The following CHRM3 variants were observed in gnomAD, a reference collection of about 807,000 sequenced individuals.
The protein encoded by CHRM3 is muscarinic acetylcholine receptor M3.
Under a neutral mutation model 41.8 loss-of-function variants are expected in CHRM3, and 11 were observed. The ratio of observed to expected loss-of-function variants is 0.26; its 90% CI spans 0.17 to 0.44. The LOEUF is 0.44. CHRM3 is among the 20% of genes least tolerant of loss of function. The pLI is 1.00. For synonymous variants in CHRM3, 297 were observed against 301.4 expected (o/e 0.99, Z 0.15); for missense variants, 571 against 745.4 (o/e 0.77, Z 2.72).
intron 3 of CHRM3, among the ~76,000 whole-genome samples, chr1:239,621,477 G>A (rs1278101860): frequency 6.6e-6 from 1 of 152,168 alleles, no homozygotes; most frequent in African/African-American, 2.4e-5. Context: ...ACACCAAACA[G>A]TTAGCCAAGT....
At chr1:239,432,653 TAATC>T (rs1662919019) in intron 1 of CHRM3, among the ~76,000 whole-genome samples, 3 of 152,318 alleles carry the variant, frequency 2.0e-5, no homozygotes, top group Admixed American at 6.5e-5. Context: ...TGTGATGTGA[TAATC>T]AGCAAGATAA....
chr1:239,409,479 G>C, intron 1 of CHRM3, among the ~76,000 whole-genome samples: 1 of 152,170 alleles, frequency 6.6e-6, no homozygotes, highest in South Asian at 2.1e-4. Flanking sequence ...CGGGATCTCA[G>C]TTTGCTTGAA....
At chr1:239,878,188 A>G (rs1677280881) in intron 6 of CHRM3, among the ~76,000 whole-genome samples, 1 of 152,008 alleles carries the variant, frequency 6.6e-6, no homozygotes, top group Non-Finnish European at 1.5e-5. Flanking sequence ...TATAATATAT[A>G]ATGAAATAAT....
At chr1:239,810,639 C>T (rs1413003838) in intron 5 of CHRM3, among the ~76,000 whole-genome samples, 2 of 152,128 alleles carry the variant, frequency 1.3e-5, no homozygotes, top group African/African-American at 4.8e-5. Flanking sequence ...CATTGAGGGC[C>T]GAGTGACAAA....
At chr1:239,673,083 G>C (rs982833397) in intron 4 of CHRM3, among the ~76,000 whole-genome samples, 17 of 152,118 alleles carry the variant, frequency 1.1e-4, no homozygotes, top group African/African-American at 3.6e-4. Context: ...TCAAATGCAC[G>C]TTCTTCCTGC....
intron 5 of CHRM3, among the ~76,000 whole-genome samples, chr1:239,801,868 A>G (rs1371808537): frequency 1.3e-5 from 2 of 152,086 alleles, no homozygotes; most frequent in Non-Finnish European, 2.9e-5. Flanking sequence ...CCCCACACAT[A>G]TGATACCATT....
chr1:239,550,257 T>A lies in CHRM3; in HGVS notation c.-313+4508T>A, dbSNP rs555681303. Among the ~76,000 whole-genome samples the A allele has an allele frequency of 2.0e-5, 3 of 152,288 alleles. No individual in the cohort carries two copies. In the South Asian group the frequency reaches 6.2e-4, roughly 32 times the overall value. ...TACAGGCACGGTCATCTGTGAAAAC[T>A]TCCTTGATCTTCCCCTTAAAATTCA... On this transcript the variant is annotated intron_variant, in intron 3 of 6. Coordinates refer to ENST00000676153, the MANE Select transcript of CHRM3 (RefSeq NM_001375978.1).
chr1:239,759,783 C>T (rs954126985), intron 5 of CHRM3, among the ~76,000 whole-genome samples: 4 of 152,150 alleles, frequency 2.6e-5, no homozygotes, highest in African/African-American at 9.7e-5. Flanking sequence ...ATTTTGAGTG[C>T]TTATTTAATT....
rs532057934 is a variant in CHRM3, at chr1:239,690,524, C to T, written c.-147+12236C>T. Among the ~76,000 whole-genome samples the T allele has an allele frequency of 2.2e-4, 34 of 151,904 alleles. No homozygotes were observed. In the South Asian group the frequency reaches 5.6e-3, roughly 25 times the overall value. The stretch of plus-strand genomic sequence containing the variant: ...GATTACAGGTGTAAGCCACTGCACC[C>T]GGCCCTGAAATTTCTAAATGAATCC... On this transcript the variant is annotated intron_variant, in intron 5 of 6. Transcript: ENST00000676153.
chr1:239,419,984 C>G (rs745764752), intron 1 of CHRM3, among the ~76,000 whole-genome samples: 1 of 152,196 alleles, frequency 6.6e-6, no homozygotes, highest in Non-Finnish European at 1.5e-5. Context: ...GTCTGGTCTT[C>G]CTATCATACA....
intron 5 of CHRM3, among the ~76,000 whole-genome samples, chr1:239,686,375 TG>T (rs2149121664): frequency 6.6e-6 from 1 of 152,278 alleles, no homozygotes; most frequent in African/African-American, 2.4e-5. Flanking sequence ...ACAGTATACT[TG>T]CATGTGCTGC....
chr1:239,643,550 G>T (rs559319016), intron 4 of CHRM3, among the ~76,000 whole-genome samples: 7 of 152,292 alleles, frequency 4.6e-5, no homozygotes, highest in African/African-American at 1.7e-4. Flanking sequence ...GCGAGACTCC[G>T]TGGGCGTAGG....
chr1:239,736,351 A>G (rs1664393987), intron 5 of CHRM3, among the ~76,000 whole-genome samples: 1 of 152,060 alleles, frequency 6.6e-6, no homozygotes, highest in Non-Finnish European at 1.5e-5. Context: ...ATTATTAGCT[A>G]AAAAACAAGG....
chr1:239,701,783 C>T (rs922677635), intron 5 of CHRM3, among the ~76,000 whole-genome samples: 6 of 152,130 alleles, frequency 3.9e-5, no homozygotes, highest in Non-Finnish European at 7.3e-5. Flanking sequence ...GCCTGGACTC[C>T]GATCGCCGTA....
At chr1:239,488,078 A>G (rs1180153904) in intron 1 of CHRM3, among the ~76,000 whole-genome samples, 1 of 152,138 alleles carries the variant, frequency 6.6e-6, no homozygotes, top group Non-Finnish European at 1.5e-5. Flanking sequence ...TGCCCAGTAT[A>G]CTAAGGGTGT....
At chr1:239,790,575 A>C (rs1669262056) in intron 5 of CHRM3, among the ~76,000 whole-genome samples, 1 of 152,210 alleles carries the variant, frequency 6.6e-6, no homozygotes, top group African/African-American at 2.4e-5. Flanking sequence ...ACTGTGAGTC[A>C]ATTAAACCTC....
intron 6 of CHRM3, among the ~76,000 whole-genome samples, chr1:239,858,693 T>C (rs1053333437): frequency 3.3e-5 from 5 of 152,116 alleles, no homozygotes; most frequent in African/African-American, 1.2e-4. Context: ...CTGTCATCTC[T>C]TTCTAGTTTC....
rs200748557 is a variant in CHRM3 at position 239,827,393 on chromosome 1, G to C, written c.-20+15G>C. 6.6e-6 allele frequency: 1 copy of C among 152,146 alleles called. No individual in the cohort carries two copies. The highest frequency in any genetic ancestry group is 1.5e-5 in the Non-Finnish European group (1 of 68,018). 9.4% of individuals were successfully genotyped at this position (152,146 alleles called of 1,614,324 possible). ...CCTGGTAGATTGTAAGTACACAGAA[G>C]GCATTTTTTTAATTAAAAAATGGAT... is the stretch of plus-strand genomic sequence containing the variant. On this transcript the variant is annotated intron_variant, in intron 6 of 6. Transcript: ENST00000676153.
chr1:239,432,250 T>G (rs1460173658), intron 1 of CHRM3, among the ~76,000 whole-genome samples: 1 of 152,140 alleles, frequency 6.6e-6, no homozygotes, highest in Admixed American at 6.6e-5. Flanking sequence ...ACATAGTCAT[T>G]TTATAAACAT....
Sources: allele counts gnomAD v4.1 joint callset (sites outside exome capture counted in the v4.1 genomes callset), GRCh38; gene constraint gnomAD v4.1.1; transcripts MANE v1.5; gene names NCBI Gene and HGNC (gene_info 2026-07-23, HGNC 2026-07-21).